Variants in NCAM1 observed in about 807,000 individuals in gnomAD.
The protein encoded by NCAM1 is neural cell adhesion molecule 1.
A neutral mutation model predicts 109.8 loss-of-function variants in NCAM1; 14 were observed. The observed-to-expected ratio is 0.13, with a 90% CI of 0.08 to 0.20. The LOEUF is 0.20. NCAM1 is among the 10% of genes least tolerant of loss of function. The pLI is 1.00. For missense variants in NCAM1, 774 were observed against 1,109.9 expected (o/e 0.70, Z 4.30); for synonymous variants, 418 against 442.9 (o/e 0.94, Z 0.70).
chr11:113,102,526 C>A (rs950817842), intron 1 of NCAM1, among the ~76,000 whole-genome samples: 2 of 152,144 alleles, frequency 1.3e-5, no homozygotes, highest in African/African-American at 4.8e-5. Flanking sequence ...ACATTTATCC[C>A]AGCCATTGTC....
intron 1 of NCAM1, among the ~76,000 whole-genome samples, chr11:113,053,813 C>T (rs2135423972): frequency 6.6e-6 from 1 of 152,294 alleles, no homozygotes; most frequent in African/African-American, 2.4e-5. Context: ...CAGAAAAATT[C>T]CCCTCAGTCC....
chr11:112,994,901 A>G lies in NCAM1; in HGVS notation c.52+33237A>G, dbSNP rs545400069. ...GCTTGTGTGCTTGTATGTTATCTTT[A>G]TCCTTTTATGATAAAGGTATTGGAG... On this transcript the variant is annotated intron_variant, in intron 1 of 19. Transcript: ENST00000316851. Among the ~76,000 whole-genome samples the G allele has an allele frequency of 3.3e-5, 5 of 152,122 alleles. No homozygotes were observed. The South Asian group carries it at 1.0e-3, about 32-fold the overall frequency.
chr11:113,168,196 T>C, intron 1 of NCAM1, among the ~76,000 whole-genome samples: 1 of 152,234 alleles, frequency 6.6e-6, no homozygotes, highest in East Asian at 1.9e-4. Context: ...AAAGGTGCTA[T>C]ATACACAGTG....
chr11:113,055,559 G>A (rs1326579767), intron 1 of NCAM1, among the ~76,000 whole-genome samples: 3 of 152,108 alleles, frequency 2.0e-5, no homozygotes, highest in Non-Finnish European at 4.4e-5. Flanking sequence ...TATTCCTGCT[G>A]TTCTCAACCC....
chr11:113,272,774 T>C (rs1591478795), intron 19 of NCAM1, among the ~76,000 whole-genome samples: 1 of 152,088 alleles, frequency 6.6e-6, no homozygotes, highest in Admixed American at 6.5e-5. Flanking sequence ...GTGCTTCCTC[T>C]CAGCATCCTT....
chr11:113,195,965 G>A (rs1313586533), intron 1 of NCAM1, among the ~76,000 whole-genome samples: 3 of 151,404 alleles, frequency 2.0e-5, no homozygotes, highest in African/African-American at 7.3e-5. Flanking sequence ...CATATGTACT[G>A]TCATTTAAAA....
chr11:113,024,847 G>A (rs1952489915), intron 1 of NCAM1, among the ~76,000 whole-genome samples: 1 of 152,158 alleles, frequency 6.6e-6, no homozygotes, highest in Non-Finnish European at 1.5e-5. Flanking sequence ...TTCACTCACT[G>A]CTTAAAAAAA....
intron 1 of NCAM1, among the ~76,000 whole-genome samples, chr11:113,081,596 A>G (rs961994596): frequency 1.3e-5 from 2 of 151,638 alleles, no homozygotes; most frequent in Non-Finnish European, 2.9e-5. Context: ...GTGCAGTGGC[A>G]CGATCTCGGC....
chr11:113,189,881 G>GA (rs5794854), intron 1 of NCAM1, among the ~76,000 whole-genome samples: 96,645 of 146,864 alleles, frequency 0.66, 31,646 homozygotes, highest in South Asian at 0.71. Flanking sequence ...AACAAACAAG[G>GA]AAAAAAAAAA....
intron 1 of NCAM1, among the ~76,000 whole-genome samples, chr11:113,047,820 AC>A (rs1382286692): frequency 1.3e-5 from 2 of 152,192 alleles, no homozygotes; most frequent in Non-Finnish European, 2.9e-5. Context: ...ATCTTGTGAG[AC>A]GTATTCACTA....
At chr11:112,980,364 C>T (rs1951121166) in intron 1 of NCAM1, among the ~76,000 whole-genome samples, 1 of 151,712 alleles carries the variant, frequency 6.6e-6, no homozygotes, top group Non-Finnish European at 1.5e-5. Context: ...AGTATAAAAA[C>T]ATGTACACTA....
rs781842856 is a variant in NCAM1, at chr11:113,277,801, C to G, written c.*2414C>G. On this transcript the variant is annotated 3_prime_UTR_variant, in exon 20 of 20. Transcript: ENST00000316851. ...GACTCTGCCCACATTTTGGTCTGTT[C>G]TCTCCCATTACACATAGGTTTGTCT... 2.6e-5 allele frequency: 4 copies of G among 153,952 alleles called. No homozygotes were observed. Among genetic ancestry groups the G allele is most frequent in the Non-Finnish European group, 3.9e-5 (3 of 76,678 alleles). The allele number at this position is 153,952 out of a possible 1,614,324, so 9.5% of individuals were successfully genotyped here. A position where few individuals can be genotyped will look rare whatever the true frequency, so the allele number is the denominator to read the frequency against.
intron 1 of NCAM1, among the ~76,000 whole-genome samples, chr11:113,027,753 C>T (rs1489992794): frequency 2.0e-5 from 3 of 152,180 alleles, no homozygotes; most frequent in Non-Finnish European, 4.4e-5. Flanking sequence ...ATATGACTCC[C>T]ATGAGCTAAC....
intron 7 of NCAM1, among the ~76,000 whole-genome samples, chr11:113,210,305 G>C (rs1362762087): frequency 6.6e-6 from 1 of 152,140 alleles, no homozygotes; most frequent in Non-Finnish European, 1.5e-5. Flanking sequence ...CCCCTATGAT[G>C]TAGATTTTAT....
intron 6 of NCAM1, among the ~76,000 whole-genome samples, 153 bp from the exon 7 acceptor site, chr11:113,207,680 G>T (rs934338182): frequency 6.6e-6 from 1 of 152,168 alleles, no homozygotes; most frequent in Non-Finnish European, 1.5e-5. Flanking sequence ...AATAAGAGGT[G>T]TATGTGGACG....
At chr11:113,103,590 T>A (rs1939977119) in intron 1 of NCAM1, among the ~76,000 whole-genome samples, 1 of 152,086 alleles carries the variant, frequency 6.6e-6, no homozygotes. Context: ...CCCACTCACC[T>A]CCCCAGTGAT....
intron 3 of NCAM1, 21 bp downstream of exon 3, chr11:113,204,525 C>G (rs782220654): frequency 6.2e-7 from 1 of 1,609,190 alleles, no homozygotes; most frequent in African/African-American, 1.3e-5. Flanking sequence ...CCTTCTTCTT[C>G]TGCATTCTCT....
At chr11:113,177,333 T>C (rs1943187524) in intron 1 of NCAM1, among the ~76,000 whole-genome samples, 1 of 152,214 alleles carries the variant, frequency 6.6e-6, no homozygotes, top group Non-Finnish European at 1.5e-5. Context: ...CTACCTTATG[T>C]GGGCTGAAAT....
chr11:113,140,047 G>A (rs1555100128), intron 1 of NCAM1, among the ~76,000 whole-genome samples: 1 of 152,148 alleles, frequency 6.6e-6, no homozygotes, highest in Non-Finnish European at 1.5e-5. Flanking sequence ...ACAAATATTT[G>A]CAGAGCACAA....
Sources: gnomAD v4.1 joint callset for allele counts (sites outside exome capture counted in the v4.1 genomes callset) on GRCh38, gnomAD v4.1.1 for gene constraint, MANE v1.5 for transcripts, NCBI Gene and HGNC (gene_info 2026-07-23, HGNC 2026-07-21) for gene names.